Variants in PDS5A observed in about 807,000 individuals in gnomAD.
The protein encoded by PDS5A is sister chromatid cohesion protein PDS5 homolog A.
Under a neutral mutation model 167.1 loss-of-function variants are expected in PDS5A, and 42 were observed. The ratio of observed to expected loss-of-function variants is 0.25; its 90% CI spans 0.20 to 0.33. The LOEUF is 0.33. Ranked by LOEUF, PDS5A falls within the 10% of genes least tolerant of loss-of-function variation. The pLI, the probability that PDS5A is intolerant of heterozygous loss-of-function variation, is 1.00. For synonymous variants in PDS5A, 553 were observed against 554.6 expected (o/e 1.00, Z 0.04); for missense variants, 1,033 against 1,605.9 (o/e 0.64, Z 6.10).
In PDS5A at chr4:39,908,707, T is replaced by C. The variant is rs1005452271; in HGVS notation, c.1088-167A>G. The C allele has an allele frequency of 3.9e-5, 23 of 588,250 alleles. No individual in the cohort carries two copies. In the Middle Eastern group the frequency reaches 1.8e-3, roughly 46 times the overall value. 36.4% of individuals were successfully genotyped at this position (588,250 alleles called of 1,614,324 possible). ...TATTTTTACAGCAGCAGTACTCTACTGTAATCACAAAACTGCACTTTAAAC... is the reference window on the plus strand; with the variant it reads ...TATTTTTACAGCAGCAGTACTCTACCGTAATCACAAAACTGCACTTTAAAC... On this transcript the variant is annotated intron_variant, in intron 10 of 32. Coordinates refer to ENST00000303538, the MANE Select transcript of PDS5A (RefSeq NM_001100399.2).
At chr4:39,962,401 C>T (rs1436628293) in intron 2 of PDS5A, among the ~76,000 whole-genome samples, 1 of 152,116 alleles carries the variant, frequency 6.6e-6, no homozygotes. Context: ...CCCCACTGAA[C>T]CTCAACATGA....
chr4:39,975,544 T>C (rs1336088950), intron 2 of PDS5A, among the ~76,000 whole-genome samples: 6 of 152,216 alleles, frequency 3.9e-5, no homozygotes, highest in East Asian at 1.9e-4. Flanking sequence ...TCCTAGTCAC[T>C]ATTACCAATG....
chr4:39,915,350 T>TC lies in PDS5A; in HGVS notation c.877-1625_877-1624insG, dbSNP rs571508338. On this transcript the variant is annotated intron_variant, in intron 8 of 32. Transcript: ENST00000303538. ...GGTACCACAACCGGCCTGATTTTTT[T>TC]TTTTTTTTTTTTTTTTTGGGTGAGA... 3.5e-3 allele frequency among the ~76,000 whole-genome samples: 512 copies of TC among 147,152 alleles called. 3 individuals are homozygous for TC. Among genetic ancestry groups the TC allele is most frequent in the Admixed American group, 6.9e-3 (102 of 14,716 alleles).
chr4:39,849,531 T>G lies in PDS5A; in HGVS notation c.3208A>C (p.Lys1070Gln). 2 of 1,611,446 alleles carry G rather than the reference T, an allele frequency of 1.2e-6. No individual in the cohort carries two copies. The highest frequency in any genetic ancestry group is 2.2e-5 in the South Asian group (2 of 91,004). The change falls in exon 27 of 33, where the codon AAG (lysine) becomes CAG (glutamine). Residue 1070 changes from lysine to glutamine, a missense_variant. By Grantham distance (53) the Lys-to-Gln change is moderately conservative. Transcript: ENST00000303538. ...AACACTCATCTTACTTCATTTGTCT[T>G]GGATTCATCTGGAGACTGGGCATCT... ...TRDAQSPDES[K>Q]TNEKLYTVCD...
chr4:39,942,575 C>T (rs1425518215), intron 2 of PDS5A, among the ~76,000 whole-genome samples: 2 of 152,116 alleles, frequency 1.3e-5, no homozygotes, highest in Admixed American at 6.6e-5. Flanking sequence ...TAAAGTCATG[C>T]ACCACCACAC....
rs781741452 is a variant in PDS5A, at chr4:39,900,457, C to T, written c.1550G>A (p.Arg517His). 3.2e-6 allele frequency: 5 copies of T among 1,584,136 alleles called. No individual in the cohort carries two copies. Among genetic ancestry groups the T allele is most frequent in the South Asian group, 1.2e-5 (1 of 86,768 alleles). ...KCQNMLRSHV[R>H]ELLDLHKQPT... is the part of the protein sequence containing the mutation. Reference sequence around the variant, plus strand: ...CTGCTTGTGCAAATCCAATAGTTCGCGTACATGGCTCCGAAGCATGTTCTG... The same window carrying T: ...CTGCTTGTGCAAATCCAATAGTTCGTGTACATGGCTCCGAAGCATGTTCTG... The change falls in exon 14 of 33, where the codon CGC becomes CAC. Residue 517 changes from arginine to histidine, a missense_variant. Physicochemically the swap from Arg to His is conservative, Grantham distance 29. Coordinates refer to ENST00000303538, the MANE Select transcript of PDS5A (RefSeq NM_001100399.2).
chr4:39,965,258 A>G (rs1395330452), intron 2 of PDS5A, among the ~76,000 whole-genome samples: 3 of 152,176 alleles, frequency 2.0e-5, no homozygotes, highest in Non-Finnish European at 4.4e-5. Context: ...AAACCCTAAA[A>G]CTACATCTTA....
At chr4:39,848,638 C>T in intron 28 of PDS5A, 4 of 462,124 alleles carry the variant, frequency 8.7e-6, no homozygotes, top group East Asian at 4.0e-5. Context: ...CTAGAAATTC[C>T]TAGAATAAAC....
chr4:39,951,856 C>T (rs1157648805), intron 2 of PDS5A, among the ~76,000 whole-genome samples: 2 of 142,988 alleles, frequency 1.4e-5, no homozygotes, highest in Non-Finnish European at 3.0e-5. Flanking sequence ...GCCAAGATCG[C>T]GCCACTGCAC....
At chr4:39,882,884 G>A (rs1323275956) in intron 17 of PDS5A, among the ~76,000 whole-genome samples, 1 of 152,080 alleles carries the variant, frequency 6.6e-6, no homozygotes, top group Non-Finnish European at 1.5e-5. Context: ...AACTGCTTGG[G>A]AAGTCTATGC....
chr4:39,970,790 C>CTT (rs35223238), intron 2 of PDS5A, among the ~76,000 whole-genome samples: 26,700 of 88,404 alleles, frequency 0.3, 4,860 homozygotes, highest in Non-Finnish European at 0.36. Context: ...CCGCTTGTTC[C>CTT]TTTTTTTTTT....
At chr4:39,940,952 G>A (rs1445741903) in intron 2 of PDS5A, among the ~76,000 whole-genome samples, 1 of 152,236 alleles carries the variant, frequency 6.6e-6, no homozygotes, top group African/African-American at 2.4e-5. Context: ...TTACAGGCAT[G>A]AGCCACTATG....
chr4:39,878,217 G>A (rs1319781393), intron 18 of PDS5A, among the ~76,000 whole-genome samples: 2 of 152,106 alleles, frequency 1.3e-5, no homozygotes, highest in Non-Finnish European at 2.9e-5. Flanking sequence ...GTCTCACTTG[G>A]CAAGGTTTGG....
intron 2 of PDS5A, among the ~76,000 whole-genome samples, chr4:39,943,873 T>C (rs1419075707): frequency 1.3e-5 from 2 of 151,366 alleles, no homozygotes; most frequent in Non-Finnish European, 2.9e-5. Context: ...AACAAGCACA[T>C]ACTACAAAAT....
intron 26 of PDS5A, among the ~76,000 whole-genome samples, chr4:39,851,625 T>C (rs1718132164): frequency 6.6e-6 from 1 of 152,154 alleles, no homozygotes; most frequent in Non-Finnish European, 1.5e-5. Flanking sequence ...GTAACCTGTT[T>C]AGGGTCACAG....
intron 2 of PDS5A, among the ~76,000 whole-genome samples, chr4:39,937,410 A>T (rs185873236): frequency 9.1e-4 from 138 of 152,162 alleles, no homozygotes; most frequent in African/African-American, 2.7e-3. Context: ...GCTATTAAAA[A>T]TTTTTTTTAA....
rs374577784 is a variant in PDS5A at position 39,913,216 on chromosome 4, T to C, written c.992+395A>G. On this transcript the variant is annotated intron_variant, in intron 9 of 32. Coordinates refer to ENST00000303538, the MANE Select transcript of PDS5A (RefSeq NM_001100399.2). Reference sequence around the variant, plus strand: ...TCTCCCGCCTCAGCCTCTTGCGTAGTTGCGGTTCCAGGTGCCGGTCACCAC... The same window carrying C: ...TCTCCCGCCTCAGCCTCTTGCGTAGCTGCGGTTCCAGGTGCCGGTCACCAC... Among the ~76,000 whole-genome samples the C allele has an allele frequency of 2.0e-3, 309 of 152,058 alleles. 1 individual carries two copies. The highest frequency in any genetic ancestry group is 4.0e-3 in the Non-Finnish European group (271 of 67,952).
chr4:39,855,385 TTTTAGA>T (rs981296562), intron 26 of PDS5A, among the ~76,000 whole-genome samples: 5 of 152,132 alleles, frequency 3.3e-5, no homozygotes, highest in Non-Finnish European at 5.9e-5. Flanking sequence ...AGAACCAGAT[TTTTAGA>T]GTTATCACAT....
chr4:39,840,167 CTCAAG>C (rs1307635702), intron 31 of PDS5A, among the ~76,000 whole-genome samples: 3 of 152,036 alleles, frequency 2.0e-5, no homozygotes, highest in African/African-American at 7.2e-5. Flanking sequence ...AAGCGACCTG[CTCAAG>C]TCAACACTTA....
Sources: allele counts gnomAD v4.1 joint callset (sites outside exome capture counted in the v4.1 genomes callset), GRCh38; gene constraint gnomAD v4.1.1; transcripts MANE v1.5; gene names NCBI Gene and HGNC (gene_info 2026-07-23, HGNC 2026-07-21).